Variants in CDK19 observed in about 807,000 individuals in gnomAD.
The protein encoded by CDK19 is cyclin dependent kinase 19, also known as cyclin-dependent kinase 19.
In CDK19, 20 loss-of-function variants were observed where a neutral mutation model predicts 68.3. The ratio of observed to expected loss-of-function variants is 0.29; its 90% confidence interval spans 0.21 to 0.43. CDK19 has a LOEUF of 0.43. Ranked by LOEUF, CDK19 falls within the 20% of genes least tolerant of loss-of-function variation. The pLI, the probability that CDK19 is intolerant of heterozygous loss-of-function variation, is 1.00. For synonymous variants in CDK19, 221 were observed against 222.8 expected (o/e 0.99, Z 0.07); for missense variants, 339 against 623.5 (o/e 0.54, Z 4.86).
chr6:110,754,098 C>T (rs1239313796), intron 1 of CDK19, among the ~76,000 whole-genome samples: 2 of 150,554 alleles, frequency 1.3e-5, no homozygotes, highest in African/African-American at 4.9e-5. Flanking sequence ...GGTGTAATCA[C>T]GGCTCACTGC....
At chr6:110,704,557 A>ATGATC (rs1472212715) in intron 2 of CDK19, among the ~76,000 whole-genome samples, 1 of 152,146 alleles carries the variant, frequency 6.6e-6, no homozygotes, top group Non-Finnish European at 1.5e-5. Flanking sequence ...AAGTCAGCAA[A>ATGATC]TGATCTCTTG....
Position 110,670,463 on chromosome 6 carries a change from G to T in CDK19, c.283C>A (p.Leu95Met). 6.2e-7 allele frequency: 1 copy of T among 1,610,310 alleles called. No individual in the cohort carries two copies. Among genetic ancestry groups the T allele is most frequent in the Non-Finnish European group, 8.5e-7 (1 of 1,176,604 alleles). Residue 95 changes from leucine (L) to methionine (M), a missense_variant, in exon 3 of 13, where the codon CTG (leucine) becomes ATG (methionine). This residue lies in a region of CDK19 where 120 missense variants were observed against 224.0 expected (regional missense o/e 0.54). Coordinates refer to ENST00000368911, the MANE Select transcript of CDK19 (RefSeq NM_015076.5). Reference protein sequence around the residue: ...FLSHSDRKVWLLFDYAEHDLW... With the variant: ...FLSHSDRKVWMLFDYAEHDLW... ...TCATGCTCTGCATAATCAAACAGCA[G>T]CCATACCTTCCTGTCACTGTGAGAA... is the stretch of plus-strand genomic sequence containing the variant.
intron 2 of CDK19, among the ~76,000 whole-genome samples, chr6:110,738,678 T>C (rs1396890281): frequency 6.6e-6 from 1 of 152,314 alleles, no homozygotes; most frequent in East Asian, 1.9e-4. Flanking sequence ...AATTAGAGCC[T>C]TGGCTTATAG....
chr6:110,714,722 CTTTTTTTTT>C (rs112875656), intron 2 of CDK19, among the ~76,000 whole-genome samples: 12 of 69,846 alleles, frequency 1.7e-4, no homozygotes, highest in African/African-American at 4.8e-4. Context: ...AATGTCTTTT[CTTTTTTTTT>C]TTTTTTTTTT....
chr6:110,669,527 T>C (rs188867750), intron 3 of CDK19, among the ~76,000 whole-genome samples: 1 of 152,166 alleles, frequency 6.6e-6, no homozygotes, highest in Non-Finnish European at 1.5e-5. Flanking sequence ...ATGCCTATAA[T>C]CTCAACAGTT....
intron 1 of CDK19, among the ~76,000 whole-genome samples, chr6:110,770,565 T>A (rs1779945074): frequency 6.6e-6 from 1 of 152,054 alleles, no homozygotes; most frequent in African/African-American, 2.4e-5. Flanking sequence ...AAGATGAGAT[T>A]TGGGTGGGGA....
chr6:110,673,711 G>C (rs989277240), intron 2 of CDK19, among the ~76,000 whole-genome samples: 55 of 151,410 alleles, frequency 3.6e-4, no homozygotes, highest in Admixed American at 3.6e-3. Context: ...GAAGTGATTT[G>C]GTATAAAAGA....
At chr6:110,639,600 G>A (rs1329837127) in intron 4 of CDK19, among the ~76,000 whole-genome samples, 1 of 152,216 alleles carries the variant, frequency 6.6e-6, no homozygotes, top group Non-Finnish European at 1.5e-5. Flanking sequence ...TTAGAAGCTA[G>A]TGCTATGTAT....
intron 1 of CDK19, among the ~76,000 whole-genome samples, chr6:110,753,050 T>C (rs111444890): frequency 0.019 from 2,942 of 152,060 alleles, 101 homozygotes; most frequent in African/African-American, 0.068. Flanking sequence ...CACCTCAGCC[T>C]CCCAAGTAGC....
At chr6:110,785,430 T>C (rs909055377) in intron 1 of CDK19, among the ~76,000 whole-genome samples, 4 of 152,216 alleles carry the variant, frequency 2.6e-5, no homozygotes, top group Non-Finnish European at 4.4e-5. Flanking sequence ...TTGTATGTTA[T>C]TTTTATTATA....
intron 1 of CDK19, among the ~76,000 whole-genome samples, chr6:110,797,878 G>A (rs1490250599): frequency 5.3e-5 from 8 of 151,450 alleles, no homozygotes; most frequent in Non-Finnish European, 1.2e-4. Flanking sequence ...CCAGCTAGTC[G>A]GGAGGCTGAG....
At chr6:110,728,154 G>C (rs1271753346) in intron 2 of CDK19, among the ~76,000 whole-genome samples, 1 of 152,026 alleles carries the variant, frequency 6.6e-6, no homozygotes, top group African/African-American at 2.4e-5. Context: ...CGGGCATGGT[G>C]GCGTGCACCT....
chr6:110,779,119 C>T (rs1780618368), intron 1 of CDK19, among the ~76,000 whole-genome samples: 2 of 152,140 alleles, frequency 1.3e-5, no homozygotes, highest in South Asian at 2.1e-4. Flanking sequence ...AAATCAGAAT[C>T]GTTAAATTCC....
At chr6:110,773,017 G>A (rs1264472181) in intron 1 of CDK19, among the ~76,000 whole-genome samples, 1 of 148,480 alleles carries the variant, frequency 6.7e-6, no homozygotes, top group Admixed American at 6.7e-5. Context: ...GGGGCTCAAG[G>A]CCAGCCTGGG....
intron 5 of CDK19, among the ~76,000 whole-genome samples, chr6:110,637,333 A>T (rs531088140): frequency 6.6e-6 from 1 of 152,356 alleles, no homozygotes; most frequent in East Asian, 1.9e-4. Flanking sequence ...TTATGGTGGA[A>T]GTGGGGGAGG....
chr6:110,720,549 G>C (rs1295393437), intron 2 of CDK19, among the ~76,000 whole-genome samples: 1 of 152,144 alleles, frequency 6.6e-6, no homozygotes, highest in Non-Finnish European at 1.5e-5. Flanking sequence ...AAAAAGAGAA[G>C]CTAGCTTCAC....
At chr6:110,661,158 A>G (rs1001168764) in intron 4 of CDK19, among the ~76,000 whole-genome samples, 4 of 152,372 alleles carry the variant, frequency 2.6e-5, no homozygotes, top group African/African-American at 4.8e-5. Context: ...ATTAGGAAAC[A>G]TATTTTGAAT....
chr6:110,782,176 G>C (rs952686326), intron 1 of CDK19, among the ~76,000 whole-genome samples: 1 of 152,170 alleles, frequency 6.6e-6, no homozygotes, highest in Non-Finnish European at 1.5e-5. Flanking sequence ...AACACAGGAG[G>C]AAAATAAGAA....
chr6:110,763,545 A>C (rs1239899702), intron 1 of CDK19, among the ~76,000 whole-genome samples: 3 of 151,202 alleles, frequency 2.0e-5, no homozygotes, highest in African/African-American at 7.3e-5. Flanking sequence ...CCTCCCGAGT[A>C]GCTGGGATTA....
Sources: gnomAD v4.1 joint callset for allele counts (sites outside exome capture counted in the v4.1 genomes callset) on GRCh38, gnomAD v4.1.1 for gene constraint, gnomAD v4.1.1 regional missense constraint, MANE v1.5 for transcripts, NCBI Gene and HGNC (gene_info 2026-07-23, HGNC 2026-07-21) for gene names.